The following PRDM11 variants were observed in gnomAD, a reference collection of about 807,000 sequenced individuals.
The protein encoded by PRDM11 is PR domain-containing protein 11.
PRDM11 carries 20 observed loss-of-function variants against 97.8 expected under a neutral mutation model. The observed-to-expected ratio is 0.20, with a 90% CI of 0.14 to 0.30. The LOEUF is 0.30. PRDM11 is among the 10% of genes least tolerant of loss of function. PRDM11 has a pLI of 1.00. For synonymous variants in PRDM11, 599 were observed against 637.7 expected, an observed-to-expected ratio of 0.94 and a Z score of 0.91; for missense variants, 1,139 against 1,555.2, an observed-to-expected ratio of 0.73 and a Z score of 4.50.
At chr11:45,095,597 C>A (rs553647024), upstream of PRDM11, among the ~76,000 whole-genome samples, 10 of 152,244 alleles carry the variant, frequency 6.6e-5, no homozygotes, top group Non-Finnish European at 1.3e-4. Flanking sequence ...GTAGAGGCCA[C>A]ATTTCCCAGA....
intron 1 of PRDM11, among the ~76,000 whole-genome samples, chr11:45,178,122 C>T (rs1852373687): frequency 6.6e-6 from 1 of 151,612 alleles, no homozygotes; most frequent in South Asian, 2.1e-4. Flanking sequence ...TCTCCCTTCC[C>T]CTCCTCATCT....
intron 5 of PRDM11, among the ~76,000 whole-genome samples, chr11:45,212,279 A>C (rs925817385): frequency 1.3e-5 from 2 of 152,128 alleles, no homozygotes; most frequent in African/African-American, 4.8e-5. Flanking sequence ...ACTTCCCCCC[A>C]GGGATGCTGG....
chr11:45,197,853 A>G (rs1356557833), intron 4 of PRDM11, among the ~76,000 whole-genome samples: 3 of 152,022 alleles, frequency 2.0e-5, no homozygotes, highest in Non-Finnish European at 4.4e-5. Flanking sequence ...GGGGAACATC[A>G]CACACCAGGG....
At chr11:45,095,713 C>T, upstream of PRDM11, 1 of 678,012 alleles carries the variant, frequency 1.5e-6, no homozygotes, top group Non-Finnish European at 2.7e-6. Context: ...CTTTTTAACC[C>T]TTCTGCTTTC....
chr11:45,195,539 A>G (rs1394826908), intron 4 of PRDM11, among the ~76,000 whole-genome samples: 1 of 151,070 alleles, frequency 6.6e-6, no homozygotes, highest in African/African-American at 2.4e-5. Flanking sequence ...TCTGTGTGGC[A>G]GCATGTATCA....
chr11:45,155,404 G>A (rs1851768352), intron 1 of PRDM11, among the ~76,000 whole-genome samples: 1 of 152,176 alleles, frequency 6.6e-6, no homozygotes, highest in Non-Finnish European at 1.5e-5. Context: ...CCCAGCCAGG[G>A]CGGACTCAGC....
chr11:45,150,364 T>C (rs1452932630), intron 1 of PRDM11, among the ~76,000 whole-genome samples: 1 of 152,242 alleles, frequency 6.6e-6, no homozygotes, highest in African/African-American at 2.4e-5. Flanking sequence ...GGTTGCAGCC[T>C]TGCTCTTCCA....
At chr11:45,166,704 G>A (rs959474100) in intron 1 of PRDM11, among the ~76,000 whole-genome samples, 2 of 152,226 alleles carry the variant, frequency 1.3e-5, no homozygotes, top group African/African-American at 2.4e-5. Context: ...GCTTCACAGA[G>A]TATGTAAAAC....
intron 5 of PRDM11, among the ~76,000 whole-genome samples, chr11:45,217,676 C>T (rs1402533089): frequency 6.6e-6 from 1 of 152,212 alleles, no homozygotes; most frequent in Non-Finnish European, 1.5e-5. Flanking sequence ...AGGCAACAGC[C>T]TCCTCCCAGG....
At chr11:45,172,529 T>C (rs1281971087) in intron 1 of PRDM11, among the ~76,000 whole-genome samples, 1 of 152,020 alleles carries the variant, frequency 6.6e-6, no homozygotes, top group Non-Finnish European at 1.5e-5. Context: ...AATTCCAAGG[T>C]TTTAGGAGCT....
intron 1 of PRDM11, among the ~76,000 whole-genome samples, chr11:45,134,904 G>A (rs1177530476): frequency 6.6e-6 from 1 of 151,868 alleles, no homozygotes; most frequent in Non-Finnish European, 1.5e-5. Context: ...GCAAATTATT[G>A]CAGAGCAATA....
chr11:45,128,071 C>T (rs1008647752), intron 1 of PRDM11, among the ~76,000 whole-genome samples: 15 of 152,194 alleles, frequency 9.9e-5, no homozygotes, highest in Non-Finnish European at 1.9e-4. Context: ...CCCCCAGCCT[C>T]GCTGCCACCT....
chr11:45,113,053 G>C (rs1852219115), intron 1 of PRDM11, among the ~76,000 whole-genome samples: 1 of 152,032 alleles, frequency 6.6e-6, no homozygotes, highest in African/African-American at 2.4e-5. Context: ...GAGTTTTTCT[G>C]ATGTTATCTT....
intron 4 of PRDM11, among the ~76,000 whole-genome samples, chr11:45,197,806 G>A (rs1370769480): frequency 6.6e-6 from 1 of 152,036 alleles, no homozygotes; most frequent in Non-Finnish European, 1.5e-5. Context: ...TCACTCATAG[G>A]TGGGAATTGA....
intron 4 of PRDM11, among the ~76,000 whole-genome samples, chr11:45,184,324 G>C (rs1852625104): frequency 1.3e-5 from 2 of 152,208 alleles, no homozygotes. Context: ...GGAGTTGGGG[G>C]AGTGACTTGG....
chr11:45,208,988 C>T (rs1235409910), intron 5 of PRDM11: 1 of 456,724 alleles, frequency 2.2e-6, no homozygotes, highest in Non-Finnish European at 4.4e-6. Context: ...GGAGGGAGAC[C>T]ATGCGGCTGT....
chr11:45,170,496 C>A (rs1435951582), intron 1 of PRDM11, among the ~76,000 whole-genome samples: 1 of 152,168 alleles, frequency 6.6e-6, no homozygotes, highest in African/African-American at 2.4e-5. Context: ...AAGAGCATCT[C>A]AGGCAGAGGG....
Position 45,227,059 on chromosome 11 carries a change from C to A in PRDM11, c.2434C>A (p.Leu812Ile). The A allele has an allele frequency of 6.5e-7, 1 of 1,533,954 alleles. No homozygotes were observed. Among genetic ancestry groups the A allele is most frequent in the Non-Finnish European group, 8.7e-7 (1 of 1,146,730 alleles). Reference protein sequence around the residue: ...MCELRSTAATLCEETEFLGDI... With the variant: ...MCELRSTAATICEETEFLGDI... Reference sequence around the variant, plus strand: ...CGAGCTGCGGTCCACGGCGGCCACCCTTTGTGAGGAGACAGAGTTCCTGGG... The same window carrying A: ...CGAGCTGCGGTCCACGGCGGCCACCATTTGTGAGGAGACAGAGTTCCTGGG... Residue 812 changes from leucine to isoleucine, a missense_variant, in exon 8 of 8, where the codon CTT becomes ATT. Leu to Ile is a conservative substitution (Grantham distance 5, BLOSUM62 2). Transcript: ENST00000683152. The surrounding 1 kb of genome is among the most constrained non-coding windows in gnomAD (Gnocchi z 8.0).
intron 4 of PRDM11, among the ~76,000 whole-genome samples, chr11:45,183,741 C>G (rs776811957): frequency 3.9e-5 from 6 of 152,160 alleles, no homozygotes; most frequent in Non-Finnish European, 8.8e-5. Context: ...AGGAATCATG[C>G]TTGAGCTACT....
Sources: gnomAD v4.1 joint callset for allele counts (sites outside exome capture counted in the v4.1 genomes callset) on GRCh38, gnomAD v4.1.1 for gene constraint, Gnocchi (gnomAD v3.1) non-coding constraint, MANE v1.5 for transcripts, NCBI Gene and HGNC (gene_info 2026-07-23, HGNC 2026-07-21) for gene names.